Variants in WWOX observed in about 807,000 individuals in gnomAD.
The protein encoded by WWOX is WW domain containing oxidoreductase, also known as WW domain-containing oxidoreductase.
A neutral mutation model predicts 46.2 loss-of-function variants in WWOX; 69 were observed. The observed-to-expected ratio is 1.49, with a 90% confidence interval of 1.23 to 1.82. WWOX has a LOEUF of 1.82. Ranked by LOEUF, WWOX falls within the 40% of genes most tolerant of loss-of-function variation. The pLI is 0.00. For synonymous variants in WWOX, 359 were observed against 202.6 expected, an observed-to-expected ratio of 1.77 and a Z score of -6.56; for missense variants, 919 against 542.6, an observed-to-expected ratio of 1.69 and a Z score of -6.89.
chr16:78,650,244 C>G (rs1026877200), intron 8 of WWOX, among the ~76,000 whole-genome samples: 3 of 152,214 alleles, frequency 2.0e-5, no homozygotes, highest in Non-Finnish European at 4.4e-5. Flanking sequence ...CATAGTGTTT[C>G]TCTAATTTCT....
intron 8 of WWOX, among the ~76,000 whole-genome samples, chr16:78,968,700 C>G (rs1442775702): frequency 6.6e-6 from 1 of 152,154 alleles, no homozygotes; most frequent in African/African-American, 2.4e-5. Flanking sequence ...TTTCTTTCTT[C>G]TTCCTCTTCT....
chr16:79,127,246 C>T (rs1177827309), intron 8 of WWOX, among the ~76,000 whole-genome samples: 2 of 152,048 alleles, frequency 1.3e-5, no homozygotes, highest in East Asian at 3.9e-4. Flanking sequence ...CTCCCTCTAC[C>T]CCTTTCCTTT....
At chr16:78,107,515 A>T (rs1194210943) in intron 1 of WWOX, among the ~76,000 whole-genome samples, 1 of 152,160 alleles carries the variant, frequency 6.6e-6, no homozygotes, top group Non-Finnish European at 1.5e-5. Flanking sequence ...CATTTTGCAG[A>T]TGAGGGGATG....
At chr16:78,745,327 C>T (rs571774292) in intron 8 of WWOX, among the ~76,000 whole-genome samples, 9 of 152,262 alleles carry the variant, frequency 5.9e-5, no homozygotes, top group African/African-American at 2.2e-4. Flanking sequence ...CCTTCAAAAG[C>T]CTGAATTTCC....
intron 8 of WWOX, among the ~76,000 whole-genome samples, chr16:78,837,888 C>T (rs1313861771): frequency 1.3e-5 from 2 of 152,158 alleles, no homozygotes; most frequent in Non-Finnish European, 2.9e-5. Flanking sequence ...TTATTGTCCC[C>T]ATTTTACAGA....
intron 8 of WWOX, among the ~76,000 whole-genome samples, chr16:79,046,712 C>T (rs891909842): frequency 1.3e-5 from 2 of 152,176 alleles, no homozygotes. Flanking sequence ...TAGATTCTTC[C>T]TGCAGCCATT....
In WWOX at chr16:78,224,262, C is replaced by G. The variant is rs200247294; in HGVS notation, c.516+59973C>G. 1.1e-4 allele frequency among the ~76,000 whole-genome samples: 17 copies of G among 152,236 alleles called. No individual in the cohort carries two copies. The East Asian group carries it at 2.7e-3, about 24-fold the overall frequency. ...TCGTGATCCGCCTGCCTCGGCCTCC[C>G]AAAGTGCTGGGATTACAGGTGTGAG... is the stretch of plus-strand genomic sequence containing the variant. On this transcript the variant is annotated intron_variant, in intron 5 of 8. Coordinates refer to ENST00000566780, the MANE Select transcript of WWOX (RefSeq NM_016373.4).
chr16:78,677,067 T>TA (rs1031440748), intron 8 of WWOX, among the ~76,000 whole-genome samples: 2 of 149,638 alleles, frequency 1.3e-5, no homozygotes, highest in Non-Finnish European at 3.0e-5. Flanking sequence ...TTTTTTTTTT[T>TA]AATGAACCAT....
intron 5 of WWOX, among the ~76,000 whole-genome samples, chr16:78,384,536 G>A (rs1802914798): frequency 6.6e-6 from 1 of 152,138 alleles, no homozygotes; most frequent in African/African-American, 2.4e-5. Context: ...TTCACCACAT[G>A]CCTTCAATAT....
At chr16:78,958,159 G>A (rs1279591986) in intron 8 of WWOX, among the ~76,000 whole-genome samples, 1 of 152,180 alleles carries the variant, frequency 6.6e-6, no homozygotes, top group African/African-American at 2.4e-5. Context: ...CACGGCGAAG[G>A]AAATTCCATT....
intron 8 of WWOX, among the ~76,000 whole-genome samples, chr16:78,630,527 A>G (rs1007026408): frequency 1.3e-5 from 2 of 152,188 alleles, no homozygotes; most frequent in Admixed American, 6.5e-5. Flanking sequence ...CTGGTAGACA[A>G]TACTTCATAT....
At chr16:78,401,095 C>T (rs2082402219) in intron 6 of WWOX, among the ~76,000 whole-genome samples, 2 of 152,212 alleles carry the variant, frequency 1.3e-5, no homozygotes, top group Non-Finnish European at 2.9e-5. Context: ...ACTGGGATTA[C>T]AGGCATGAGC....
chr16:78,770,726 C>T (rs754025295), intron 8 of WWOX, among the ~76,000 whole-genome samples: 2 of 151,718 alleles, frequency 1.3e-5, no homozygotes, highest in South Asian at 4.2e-4. Flanking sequence ...CACCAGAACC[C>T]GTCTGCGCCA....
intron 5 of WWOX, among the ~76,000 whole-genome samples, chr16:78,260,042 C>T (rs901951358): frequency 1.3e-5 from 2 of 151,142 alleles, no homozygotes; most frequent in Non-Finnish European, 2.9e-5. Flanking sequence ...GACCTCCCAG[C>T]AGGCGTTGCC....
intron 6 of WWOX, among the ~76,000 whole-genome samples, chr16:78,388,965 G>A (rs2082119123): frequency 8.7e-6 from 1 of 114,516 alleles, no homozygotes; most frequent in Non-Finnish European, 2.2e-5. Flanking sequence ...GCAAAACTCT[G>A]TCTCAAAAAA....
chr16:78,837,859 A>C (rs1379081036), intron 8 of WWOX, among the ~76,000 whole-genome samples: 1 of 152,188 alleles, frequency 6.6e-6, no homozygotes, highest in Non-Finnish European at 1.5e-5. Flanking sequence ...AGAAATATCA[A>C]TAAATATAAA....
At chr16:78,922,244 A>T (rs541842914) in intron 8 of WWOX, among the ~76,000 whole-genome samples, 2 of 152,172 alleles carry the variant, frequency 1.3e-5, no homozygotes, top group Non-Finnish European at 2.9e-5. Flanking sequence ...AGAATGGTTC[A>T]TCTGCAACCT....
At chr16:78,926,038 A>C (rs992936070) in intron 8 of WWOX, among the ~76,000 whole-genome samples, 1 of 152,208 alleles carries the variant, frequency 6.6e-6, no homozygotes, top group Admixed American at 6.5e-5. Context: ...ACAATTCTGG[A>C]GACAGACAGG....
intron 8 of WWOX, among the ~76,000 whole-genome samples, chr16:79,155,311 G>A (rs1035243167): frequency 6.6e-6 from 1 of 152,186 alleles, no homozygotes; most frequent in African/African-American, 2.4e-5. Context: ...GGGAGGAAGA[G>A]GTTGCAGTGA....
Sources: gnomAD v4.1 joint callset for allele counts (sites outside exome capture counted in the v4.1 genomes callset) on GRCh38, gnomAD v4.1.1 for gene constraint, MANE v1.5 for transcripts, NCBI Gene and HGNC (gene_info 2026-07-23, HGNC 2026-07-21) for gene names.